Variants in KLHL32 observed in about 807,000 individuals in gnomAD.
KLHL32 encodes kelch-like protein 32.
KLHL32 carries 35 observed loss-of-function variants against 64.8 expected under a neutral mutation model. That is an observed-to-expected ratio of 0.54 (90% CI 0.41 to 0.72). The LOEUF is 0.72. Among genes scored for constraint, KLHL32 ranks in the 30% least tolerant of loss-of-function variants. KLHL32 has a pLI of 0.00. For synonymous variants in KLHL32, 259 were observed against 281.0 expected (o/e 0.92, Z 0.78); for missense variants, 589 against 768.5 (o/e 0.77, Z 2.76).
chr6:97,032,028 G>A (rs1783631842), intron 3 of KLHL32, among the ~76,000 whole-genome samples: 1 of 152,178 alleles, frequency 6.6e-6, no homozygotes, highest in South Asian at 2.1e-4. Flanking sequence ...TGTGAAGTTG[G>A]TATTATTCCC....
chr6:97,050,060 GT>G (rs1361961416), intron 4 of KLHL32, among the ~76,000 whole-genome samples: 1 of 152,168 alleles, frequency 6.6e-6, no homozygotes, highest in Non-Finnish European at 1.5e-5. Context: ...TCAGAGTCTA[GT>G]TTGTGCTGCA....
chr6:97,117,350 G>A (rs1024513148), intron 7 of KLHL32, among the ~76,000 whole-genome samples: 21 of 152,152 alleles, frequency 1.4e-4, no homozygotes, highest in African/African-American at 4.3e-4. Context: ...TGAGGTGGGG[G>A]TAGTATGGAT....
chr6:97,005,214 G>A (rs1358937849), intron 3 of KLHL32, among the ~76,000 whole-genome samples: 1 of 152,054 alleles, frequency 6.6e-6, no homozygotes, highest in East Asian at 1.9e-4. Flanking sequence ...TTGGAAGATT[G>A]TATGTTTCTA....
intron 3 of KLHL32, among the ~76,000 whole-genome samples, chr6:96,985,975 G>A (rs924630899): frequency 6.6e-6 from 1 of 152,136 alleles, no homozygotes; most frequent in Non-Finnish European, 1.5e-5. Flanking sequence ...CAGCTTCTCT[G>A]CTCTGTTTTT....
intron 3 of KLHL32, among the ~76,000 whole-genome samples, chr6:97,029,966 G>A (rs928014697): frequency 2.0e-5 from 3 of 152,158 alleles, no homozygotes; most frequent in Admixed American, 2.0e-4. Flanking sequence ...TGTAATCATT[G>A]CGAGTTGCTC....
chr6:97,030,712 T>G (rs1025629844), intron 3 of KLHL32, among the ~76,000 whole-genome samples: 9 of 152,352 alleles, frequency 5.9e-5, no homozygotes, highest in Middle Eastern at 3.4e-3. Context: ...ATGTCTAGCT[T>G]TGAACTCACT....
chr6:96,915,680 C>T, the KLHL32 span, among the ~76,000 whole-genome samples: 1 of 151,862 alleles, frequency 6.6e-6, no homozygotes, highest in African/African-American at 2.4e-5. Context: ...GGATAATACT[C>T]ATAGAATTTT....
chr6:96,934,730 A>G (rs1238255845), intron 1 of KLHL32, among the ~76,000 whole-genome samples: 2 of 152,240 alleles, frequency 1.3e-5, no homozygotes, highest in East Asian at 1.9e-4. Context: ...ACATTTCTGC[A>G]TAAGATAAAA....
the KLHL32 span, among the ~76,000 whole-genome samples, chr6:96,901,162 T>C: frequency 2.0e-5 from 3 of 152,188 alleles, no homozygotes; most frequent in Admixed American, 1.3e-4. Flanking sequence ...TCATGACTTT[T>C]GTCATTGTAT....
intron 3 of KLHL32, among the ~76,000 whole-genome samples, chr6:96,997,820 A>T (rs984779683): frequency 6.6e-6 from 1 of 152,214 alleles, no homozygotes; most frequent in Non-Finnish European, 1.5e-5. Flanking sequence ...ACAAACAACC[A>T]TACAAACCAT....
chr6:97,132,435 A>G (rs1007823473), intron 9 of KLHL32, among the ~76,000 whole-genome samples: 3 of 152,192 alleles, frequency 2.0e-5, no homozygotes, highest in Admixed American at 6.5e-5. Flanking sequence ...GCTGGCTAAT[A>G]AGTGTTTTGG....
chr6:97,106,742 C>CAAAAA lies in KLHL32; in HGVS notation c.628-7031_628-7027dup, dbSNP rs113362615. Among the ~76,000 whole-genome samples, 87 of 118,722 alleles carry CAAAAA rather than the reference C, an allele frequency of 7.3e-4. 1 individual carries two copies. The highest frequency in any genetic ancestry group is 2.6e-3 in the African/African-American group (85 of 33,148). The allele number at this position is 118,722 out of a possible 152,430, so 77.9% of individuals were successfully genotyped here. On this transcript the variant is annotated intron_variant, in intron 6 of 10. Coordinates refer to ENST00000369261, the MANE Select transcript of KLHL32 (RefSeq NM_052904.4). Reference sequence around the variant, plus strand: ...CCGGGTGACAGAGGAGACCCTGTCTCAAAAAAAAAAAAAATTAAATGTGAA... The same window carrying CAAAAA: ...CCGGGTGACAGAGGAGACCCTGTCTCAAAAAAAAAAAAAAAAAAATTAAATGTGAA...
At chr6:97,104,662 A>G (rs990292896) in intron 6 of KLHL32, among the ~76,000 whole-genome samples, 1 of 152,216 alleles carries the variant, frequency 6.6e-6, no homozygotes, top group Non-Finnish European at 1.5e-5. Context: ...GTAGTCAGCT[A>G]TAATGGTTAA....
intron 1 of KLHL32, among the ~76,000 whole-genome samples, chr6:96,954,936 T>C (rs551208233): frequency 3.9e-5 from 6 of 152,266 alleles, no homozygotes; most frequent in Non-Finnish European, 8.8e-5. Context: ...AAACAACAAG[T>C]ATATTTCTCA....
chr6:96,983,293 TGAG>T (rs2128052575), intron 3 of KLHL32, among the ~76,000 whole-genome samples: 1 of 152,424 alleles, frequency 6.6e-6, no homozygotes, highest in Admixed American at 6.5e-5. Flanking sequence ...AGTATTTTAT[TGAG>T]GATTTTTGAA....
At chr6:97,005,840 A>G (rs541912763) in intron 3 of KLHL32, among the ~76,000 whole-genome samples, 8 of 152,172 alleles carry the variant, frequency 5.3e-5, no homozygotes, top group African/African-American at 1.9e-4. Context: ...TGCTCTGAGA[A>G]TGTGGTTGGT....
chr6:97,065,687 A>G (rs1789634892), intron 5 of KLHL32, among the ~76,000 whole-genome samples: 2 of 152,246 alleles, frequency 1.3e-5, no homozygotes, highest in Non-Finnish European at 2.9e-5. Flanking sequence ...GATATTAGTG[A>G]GCAGAAAAGT....
chr6:96,952,697 C>G (rs1308818140), intron 1 of KLHL32, among the ~76,000 whole-genome samples: 1 of 152,228 alleles, frequency 6.6e-6, no homozygotes, highest in African/African-American at 2.4e-5. Flanking sequence ...GCTTGCCTTT[C>G]TATAATCATT....
At chr6:96,931,604 CA>C (rs1356647457) in intron 1 of KLHL32, among the ~76,000 whole-genome samples, 1 of 152,128 alleles carries the variant, frequency 6.6e-6, no homozygotes, top group African/African-American at 2.4e-5. Context: ...AGATATAGTG[CA>C]ATTTCATAAT....
Sources: allele counts gnomAD v4.1 joint callset (sites outside exome capture counted in the v4.1 genomes callset), GRCh38; gene constraint gnomAD v4.1.1; transcripts MANE v1.5; gene names NCBI Gene and HGNC (gene_info 2026-07-23, HGNC 2026-07-21).